The following CCDC15 variants were observed in gnomAD, a reference collection of about 807,000 sequenced individuals.
CCDC15 encodes coiled-coil domain containing 15.
Under a neutral mutation model 114.5 loss-of-function variants are expected in CCDC15, and 105 were observed. The ratio of observed to expected loss-of-function variants is 0.92; its 90% confidence interval spans 0.78 to 1.08. The LOEUF (loss-of-function observed/expected upper bound fraction) is 1.08, where lower values mean the gene tolerates loss of function less well. Among genes scored for constraint, CCDC15 ranks in the 50% least tolerant of loss-of-function variants. The probability of loss-of-function intolerance (pLI) is 0.00; values close to 1 mark genes in which losing one functional copy is unlikely to be tolerated. For missense variants in CCDC15, 1,105 were observed against 1,093.6 expected (o/e 1.01, Z -0.15); for synonymous variants, 334 against 377.8 (o/e 0.88, Z 1.34).
chr11:124,995,089 T>A (rs1263560606), intron 11 of CCDC15, among the ~76,000 whole-genome samples: 1 of 152,184 alleles, frequency 6.6e-6, no homozygotes, highest in Non-Finnish European at 1.5e-5. Flanking sequence ...TGTGTTTTAG[T>A]CTACATTGTC....
At chr11:125,014,802 A>G (rs1158584087) in intron 13 of CCDC15, among the ~76,000 whole-genome samples, 4 of 152,170 alleles carry the variant, frequency 2.6e-5, no homozygotes, top group Admixed American at 2.0e-4. Context: ...ACATAGACCT[A>G]CTATATGACC....
At chr11:125,016,795 T>C (rs1439638465) in intron 13 of CCDC15, among the ~76,000 whole-genome samples, 3 of 152,198 alleles carry the variant, frequency 2.0e-5, no homozygotes, top group Non-Finnish European at 1.5e-5. Flanking sequence ...CCACATGGCA[T>C]AGTCAGTGGG....
rs374859694 is a variant in CCDC15, at chr11:124,986,705, G to A, written c.754-37G>A. On this transcript the variant is annotated intron_variant, in intron 6 of 15. Transcript: ENST00000344762. Reference sequence around the variant, plus strand: ...TGTGTGTGTGTTTGTGTGTGTGCGCGCGCGCGCGTGCGCGTTTTCATTGTT... The same window carrying A: ...TGTGTGTGTGTTTGTGTGTGTGCGCACGCGCGCGTGCGCGTTTTCATTGTT... 7.7e-5 allele frequency: 110 copies of A among 1,437,238 alleles called. 1 individual carries two copies. The highest frequency in any genetic ancestry group is 4.7e-4 in the African/African-American group (32 of 67,740). 89.0% of individuals were successfully genotyped at this position (1,437,238 alleles called of 1,614,324 possible). A position where few individuals can be genotyped will look rare whatever the true frequency, so the allele number is the denominator to read the frequency against.
chr11:124,997,836 G>T (rs956560644), intron 11 of CCDC15, among the ~76,000 whole-genome samples: 1 of 152,132 alleles, frequency 6.6e-6, no homozygotes, highest in African/African-American at 2.4e-5. Flanking sequence ...CAGCTACAGG[G>T]GTGGCTGAGG....
intron 6 of CCDC15, among the ~76,000 whole-genome samples, chr11:124,983,963 G>A (rs1267243095): frequency 6.6e-6 from 1 of 152,180 alleles, no homozygotes; most frequent in African/African-American, 2.4e-5. Flanking sequence ...GCACTCACAG[G>A]CATGGGGCTG....
intron 13 of CCDC15, among the ~76,000 whole-genome samples, chr11:125,005,816 T>C (rs781415396): frequency 2.6e-5 from 4 of 152,186 alleles, no homozygotes; most frequent in Non-Finnish European, 4.4e-5. Context: ...ACAGTATGTA[T>C]GCAACCTTTT....
intron 8 of CCDC15, 78 bp from the exon 9 acceptor site, chr11:124,991,370 ACCCTTTGGCCTTC>A: frequency 1.2e-6 from 1 of 813,644 alleles, no homozygotes; most frequent in Admixed American, 3.0e-5. Context: ...GAAAAAAACT[ACCCTTTGGCCTTC>A]AATGAAGCCT....
At chr11:125,011,714 C>T (rs1391798935) in intron 13 of CCDC15, among the ~76,000 whole-genome samples, 1 of 152,106 alleles carries the variant, frequency 6.6e-6, no homozygotes, top group Non-Finnish European at 1.5e-5. Flanking sequence ...CAGGATTGGG[C>T]TCACATACAA....
chr11:125,031,654 A>G (rs1948740052), intron 13 of CCDC15, among the ~76,000 whole-genome samples: 1 of 152,218 alleles, frequency 6.6e-6, no homozygotes. Context: ...CCAAAATCCT[A>G]GAGGCCTTTG....
chr11:125,030,265 G>GC (rs1948729203), intron 13 of CCDC15, among the ~76,000 whole-genome samples: 1 of 152,152 alleles, frequency 6.6e-6, no homozygotes, highest in African/African-American at 2.4e-5. Flanking sequence ...GGAGAACTTT[G>GC]CCCCAGCCCT....
intron 13 of CCDC15, among the ~76,000 whole-genome samples, chr11:125,029,336 G>T (rs977214672): frequency 1.6e-4 from 24 of 152,108 alleles, no homozygotes; most frequent in African/African-American, 5.6e-4. Context: ...CATCTCCTGA[G>T]ATCATACGTA....
At chr11:124,955,268 A>C (rs974695751) in intron 2 of CCDC15, among the ~76,000 whole-genome samples, 3 of 152,210 alleles carry the variant, frequency 2.0e-5, no homozygotes, top group Non-Finnish European at 2.9e-5. Flanking sequence ...CTTAGTATGG[A>C]TGATAGTTGG....
At chr11:125,026,193 C>T (rs1468485915) in intron 13 of CCDC15, among the ~76,000 whole-genome samples, 2 of 152,120 alleles carry the variant, frequency 1.3e-5, no homozygotes, top group African/African-American at 4.8e-5. Context: ...ATTTATGACC[C>T]CAGAGCACTT....
At chr11:124,991,387 G>T in intron 8 of CCDC15, 74 bp from the exon 9 acceptor site, 1 of 1,044,766 alleles carries the variant, frequency 9.6e-7, no homozygotes, top group South Asian at 2.6e-5. Flanking sequence ...GGCCTTCAAT[G>T]AAGCCTAGAA....
At chr11:125,024,985 G>T (rs1277392022) in intron 13 of CCDC15, among the ~76,000 whole-genome samples, 1 of 136,566 alleles carries the variant, frequency 7.3e-6, no homozygotes, top group East Asian at 2.1e-4. Flanking sequence ...ATGGATGGTG[G>T]ATTCTGTCAA....
In CCDC15 at chr11:124,998,736, A is replaced by C. The variant is rs868016776; in HGVS notation, c.2215-5131A>C. Among the ~76,000 whole-genome samples, 14 of 136,880 alleles carry C rather than the reference A, an allele frequency of 1.0e-4. 1 individual carries two copies. Among genetic ancestry groups the C allele is most frequent in the Middle Eastern group, 7.8e-3 (2 of 258 alleles). The allele number at this position is 136,880 out of a possible 152,430, so 89.8% of individuals were successfully genotyped here. On this transcript the variant is annotated intron_variant, in intron 11 of 15. Coordinates refer to ENST00000344762, the MANE Select transcript of CCDC15 (RefSeq NM_025004.3). ...TTATGAAAAACTTGAGAGAGTCTCT[A>C]CTTTTTTTTTTTTTTTTTGGAGACA...
intron 13 of CCDC15, among the ~76,000 whole-genome samples, chr11:125,012,037 T>A (rs1182183223): frequency 1.3e-5 from 2 of 152,220 alleles, no homozygotes; most frequent in Admixed American, 6.5e-5. Context: ...CTGTAAGTGG[T>A]CACCCCTTAA....
At chr11:125,034,081 T>A (rs558594515) in intron 13 of CCDC15, among the ~76,000 whole-genome samples, 1 of 152,336 alleles carries the variant, frequency 6.6e-6, no homozygotes, top group South Asian at 2.1e-4. Flanking sequence ...TTATGTTGCC[T>A]GGCAACTGCC....
intron 4 of CCDC15, among the ~76,000 whole-genome samples, chr11:124,962,973 A>G (rs1158257549): frequency 6.6e-6 from 1 of 152,254 alleles, no homozygotes; most frequent in African/African-American, 2.4e-5. Flanking sequence ...TACAAAGGAC[A>G]TGAACTCATC....
Sources: gnomAD v4.1 joint callset for allele counts (sites outside exome capture counted in the v4.1 genomes callset) on GRCh38, gnomAD v4.1.1 for gene constraint, MANE v1.5 for transcripts, NCBI Gene and HGNC (gene_info 2026-07-23, HGNC 2026-07-21) for gene names.